MRPL46: variants seen among roughly 807,000 people sequenced by gnomAD.
The protein encoded by MRPL46 is mitochondrial ribosomal protein L46.
In MRPL46, 26 loss-of-function variants were observed where a neutral mutation model predicts 31.0. The observed-to-expected ratio is 0.84, with a 90% CI of 0.61 to 1.16. The LOEUF (loss-of-function observed/expected upper bound fraction) is 1.16. MRPL46 is among the 50% of genes most tolerant of loss of function. The pLI is 0.00. For synonymous variants in MRPL46, 159 were observed against 141.3 expected (o/e 1.13, Z -0.89); for missense variants, 395 against 340.0 (o/e 1.16, Z -1.27).
At position 88,464,864 on chromosome 15, in the gene MRPL46, T is replaced by C. The variant is rs1448582737; in HGVS notation, c.428A>G (p.Lys143Arg). The change falls in exon 3 of 4, where the codon AAG becomes AGG. Residue 143 changes from lysine (K) to arginine (R), a missense_variant. Coordinates refer to ENST00000312475, the MANE Select transcript of MRPL46 (RefSeq NM_022163.4). ...LGARITEADE[K>R]NDRTSLNRKL... ...CCTGTTCAGGGATGTTCGGTCATTC[T>C]TTTCATCAGCTTCTACAGCAAAGGG... 1 of 1,613,564 alleles carries C rather than the reference T, an allele frequency of 6.2e-7. No individual in the cohort carries two copies. The highest frequency in any genetic ancestry group is 8.5e-7 in the Non-Finnish European group (1 of 1,179,816).
intron 3 of MRPL46, chr15:88,461,564 T>A (rs1013121657): frequency 6.6e-6 from 1 of 152,246 alleles, no homozygotes; most frequent in African/African-American, 2.4e-5. Context: ...TATATCATTA[T>A]TGAAGTTCAA....
In MRPL46 at chr15:88,467,353, G is replaced by T. The variant is rs1288078794; in HGVS notation, c.25C>A (p.Leu9Met). ...CGCCAACCCCCCGCCACCCCTAACAGCGTCCGCCTTACGGGCGCCGCCATC... is the reference window on the plus strand; with the variant it reads ...CGCCAACCCCCCGCCACCCCTAACATCGTCCGCCTTACGGGCGCCGCCATC... The part of the protein sequence containing the change: MAAPVRRT[L>M]LGVAGGWRRF... The change falls in exon 1 of 4, where the codon CTG becomes ATG. Residue 9 changes from leucine to methionine, a missense_variant. Transcript: ENST00000312475. The T allele has an allele frequency of 6.3e-7, 1 of 1,592,812 alleles. No individual in the cohort carries two copies. The highest frequency in any genetic ancestry group is 8.6e-7 in the Non-Finnish European group (1 of 1,169,444).
chr15:88,461,480 T>C (rs768087467), intron 3 of MRPL46: 2 of 152,142 alleles, frequency 1.3e-5, no homozygotes, highest in East Asian at 3.9e-4. Flanking sequence ...AAAATAAATA[T>C]CACTGGCCCA....
intron 1 of MRPL46, 33 bp from the exon 2 acceptor site, chr15:88,465,806 A>C: frequency 5.9e-6 from 9 of 1,529,912 alleles, no homozygotes; most frequent in Non-Finnish European, 6.1e-6. Context: ...AAACTACCTT[A>C]ATCTGGCAAA....
Position 88,467,366 on chromosome 15 carries a change from G to T in MRPL46, c.12C>A (p.Pro4=). The T allele has an allele frequency of 6.3e-7, 1 of 1,577,254 alleles. No homozygotes were observed. The highest frequency in any genetic ancestry group is 1.8e-5 in the Admixed American group (1 of 55,880). MAA[P]VRRTLLGVAG... ...CCACCCCTAACAGCGTCCGCCTTACGGGCGCCGCCATCTTTCGTTCTCCCA... is the reference window on the plus strand; with the variant it reads ...CCACCCCTAACAGCGTCCGCCTTACTGGCGCCGCCATCTTTCGTTCTCCCA... Residue 4 remains proline (P), a synonymous_variant, in exon 1 of 4, where the codon CCC becomes CCA. Transcript: ENST00000312475.
chr15:88,462,767 T>A (rs2055489205), intron 3 of MRPL46: 1 of 152,250 alleles, frequency 6.6e-6, no homozygotes, highest in Admixed American at 6.5e-5. Flanking sequence ...CACTTTCACT[T>A]TTTAAATATA....
intron 3 of MRPL46, chr15:88,460,330 G>A (rs16941874): frequency 0.019 from 3,154 of 165,220 alleles, 116 homozygotes; most frequent in African/African-American, 0.069. Flanking sequence ...GGTGAAGGAC[G>A]AGGACATTTG....
intron 2 of MRPL46, 101 bp downstream of exon 2, chr15:88,465,486 T>G: frequency 8.3e-7 from 1 of 1,203,660 alleles, no homozygotes; most frequent in Non-Finnish European, 1.1e-6. Context: ...TGAAATTATT[T>G]GTTACTTAAA....
At chr15:88,466,220 T>C (rs554373371) in intron 1 of MRPL46, among the ~76,000 whole-genome samples, 1 of 152,264 alleles carries the variant, frequency 6.6e-6, no homozygotes, top group South Asian at 2.1e-4. Flanking sequence ...AATTTAAATA[T>C]GACTGTCTCA....
intron 1 of MRPL46, 151 bp downstream of exon 1, chr15:88,466,998 CT>C (rs1193294067): frequency 1.2e-6 from 1 of 845,676 alleles, no homozygotes; most frequent in Non-Finnish European, 1.8e-6. Flanking sequence ...AAAGAAACCA[CT>C]TTTTGTTGAA....
chr15:88,465,375 CTG>C (rs372699539), intron 2 of MRPL46: 242 of 472,282 alleles, frequency 5.1e-4, no homozygotes, highest in African/African-American at 4.4e-3. Context: ...CAAAGTTTAA[CTG>C]AGAGAAAAGG....
rs2055460529 is a variant in MRPL46 at position 88,459,805 on chromosome 15, C to T, written c.648G>A (p.Lys216=). ...TCTCTGTCCGCATTGCCTGGGGGAACTTGAATGTGTAGTGCCCACAGGGTG... is the reference window on the plus strand; with the variant it reads ...TCTCTGTCCGCATTGCCTGGGGGAATTTGAATGTGTAGTGCCCACAGGGTG... ...GNAPCGHYTF[K]FPQAMRTESN... The change falls in exon 4 of 4, where the codon AAG becomes AAA. Residue 216 remains lysine, a synonymous_variant. Coordinates refer to ENST00000312475, the MANE Select transcript of MRPL46 (RefSeq NM_022163.4). The T allele has an allele frequency of 8.1e-6, 13 of 1,614,214 alleles. No homozygotes were observed. The highest frequency in any genetic ancestry group is 1.0e-5 in the Non-Finnish European group (12 of 1,180,036).
intron 3 of MRPL46, 164 bp downstream of exon 3, chr15:88,464,535 TAAAA>T: frequency 1.5e-6 from 1 of 662,844 alleles, no homozygotes; most frequent in Non-Finnish European, 2.4e-6. Context: ...AAAAAAAAAA[TAAAA>T]AAAATCCTTA....
chr15:88,464,634 C>G (rs1476543122), intron 3 of MRPL46, 69 bp downstream of exon 3: 1 of 1,215,196 alleles, frequency 8.2e-7, no homozygotes, highest in Admixed American at 2.0e-5. Context: ...ATTCCCCAGT[C>G]AGCCTAAAAA....
At position 88,464,717 on chromosome 15, in the gene MRPL46, A is replaced by T. The variant is rs777221535; in HGVS notation, c.575T>A (p.Leu192Gln). The T allele has an allele frequency of 6.2e-7, 1 of 1,613,050 alleles. No individual in the cohort carries two copies. The highest frequency in any genetic ancestry group is 1.3e-5 in the African/African-American group (1 of 74,658). The change falls in exon 3 of 4, where the codon CTG (leucine) becomes CAG (glutamine). Residue 192 changes from leucine to glutamine, a missense_variant. By Grantham distance (113) the Leu-to-Gln change is moderately radical (BLOSUM62 -2). Transcript: ENST00000312475. ...ETLRGTAERT[L>Q]ATLSENNMEA... The stretch of plus-strand genomic sequence containing the variant: ...AGAAAACCCACCTGAGAGTGTGGCC[A>T]GGGTTCGTTCAGCTGTTCCTCGAAG...
At chr15:88,465,869 G>C (rs113754711) in intron 1 of MRPL46, 96 bp from the exon 2 acceptor site, 6 of 1,190,564 alleles carry the variant, frequency 5.0e-6, no homozygotes, top group African/African-American at 3.1e-5. Context: ...GGCACACTTG[G>C]CAAGCTCAGA....
chr15:88,465,182 T>C (rs1024523831), intron 2 of MRPL46: 22 of 412,408 alleles, frequency 5.3e-5, no homozygotes, highest in African/African-American at 4.1e-4. Context: ...GTTTTGATAC[T>C]ATTACTGACT....
chr15:88,461,036 C>T (rs905864747), intron 3 of MRPL46: 1 of 152,176 alleles, frequency 6.6e-6, no homozygotes, highest in African/African-American at 2.4e-5. Context: ...ACAATAAAAA[C>T]ACATGAGCAT....
At chr15:88,462,505 G>C (rs1242658155) in intron 3 of MRPL46, 1 of 152,206 alleles carries the variant, frequency 6.6e-6, no homozygotes, top group Admixed American at 6.5e-5. Flanking sequence ...TAATCTGAAA[G>C]AGATCATCTG....
Sources: allele counts gnomAD v4.1 joint callset (sites outside exome capture counted in the v4.1 genomes callset), GRCh38; gene constraint gnomAD v4.1.1; transcripts MANE v1.5; gene names NCBI Gene and HGNC (gene_info 2026-07-23, HGNC 2026-07-21).